The following GCNT2 variants were observed in gnomAD, a reference collection of about 807,000 sequenced individuals.
The protein encoded by GCNT2 is glucosaminyl (N-acetyl) transferase 2 (I blood group).
Under a neutral mutation model 34.2 loss-of-function variants are expected in GCNT2, and 34 were observed. That is an observed-to-expected ratio of 1.00 (90% CI 0.76 to 1.32). The LOEUF is 1.32. Ranked by LOEUF, GCNT2 falls within the 40% of genes most tolerant of loss-of-function variation. The pLI is 0.00. For missense variants in GCNT2, 584 were observed against 489.4 expected (o/e 1.19, Z -1.82); for synonymous variants, 212 against 188.0 (o/e 1.13, Z -1.04).
At chr6:10,607,789 C>T (rs1765388479) in intron 3 of GCNT2, among the ~76,000 whole-genome samples, 1 of 152,114 alleles carries the variant, frequency 6.6e-6, no homozygotes, top group Non-Finnish European at 1.5e-5. Flanking sequence ...TACCGAGCGC[C>T]ATTCAGAGGG....
chr6:10,592,136 G>T (rs1009092563), intron 3 of GCNT2, among the ~76,000 whole-genome samples: 5 of 150,814 alleles, frequency 3.3e-5, no homozygotes, highest in African/African-American at 2.4e-5. Flanking sequence ...ACGCTACTTG[G>T]GGGGGCTGGA....
intron 3 of GCNT2, among the ~76,000 whole-genome samples, chr6:10,564,495 C>G (rs1021206467): frequency 1.3e-5 from 2 of 152,192 alleles, no homozygotes; most frequent in African/African-American, 2.4e-5. Context: ...TCAGAGAGAA[C>G]CAGGTTGGAC....
chr6:10,549,559 CTCTCTTT>C (rs1762399029), intron 3 of GCNT2, among the ~76,000 whole-genome samples: 1 of 110,618 alleles, frequency 9.0e-6, no homozygotes, highest in African/African-American at 4.6e-5. Context: ...CTCAATCTCT[CTCTCTTT>C]TTTTTTTTTT....
chr6:10,577,229 C>T (rs1763860242), intron 3 of GCNT2, among the ~76,000 whole-genome samples: 1 of 152,230 alleles, frequency 6.6e-6, no homozygotes, highest in African/African-American at 2.4e-5. Flanking sequence ...AAGGGGGCTG[C>T]TGTGCAGTGT....
At chr6:10,550,388 G>T (rs903186643) in intron 3 of GCNT2, among the ~76,000 whole-genome samples, 1 of 151,684 alleles carries the variant, frequency 6.6e-6, no homozygotes, top group Non-Finnish European at 1.5e-5. Flanking sequence ...TAGAGATAGG[G>T]TCATTGAGAA....
intron 3 of GCNT2, chr6:10,582,046 A>G (rs1408052514): frequency 5.7e-6 from 1 of 176,702 alleles, no homozygotes; most frequent in Non-Finnish European, 1.0e-5. Flanking sequence ...ATATGTATAT[A>G]TTTAAAAATA....
intron 3 of GCNT2, among the ~76,000 whole-genome samples, chr6:10,569,273 A>ACACACACACACACACACC (rs1561806920): frequency 1.4e-5 from 2 of 139,702 alleles, no homozygotes; most frequent in East Asian, 2.1e-4. Context: ...ACACACACAC[A>ACACACACACACACACACC]CCCCCTAGGT....
intron 3 of GCNT2, chr6:10,556,635 C>A (rs768618071): frequency 2.3e-5 from 37 of 1,613,984 alleles, no homozygotes; most frequent in Middle Eastern, 3.3e-4. Flanking sequence ...GAGAAGTCTT[C>A]TTGCAAGGAA....
rs1288962212 is a variant in GCNT2, at chr6:10,627,806, CATG to C, written c.*1202_*1204del. 6.6e-6 allele frequency: 1 copy of C among 152,142 alleles called. No individual in the cohort carries two copies. The highest frequency in any genetic ancestry group is 1.5e-5 in the Non-Finnish European group (1 of 68,030). The allele number at this position is 152,142 out of a possible 1,614,324, so 9.4% of individuals were successfully genotyped here. On this transcript the variant is annotated 3_prime_UTR_variant, in exon 5 of 5. Coordinates refer to ENST00000495262, the MANE Select transcript of GCNT2 (RefSeq NM_145649.5). ...TACAGGAACACACAGGGCTGTGTAG[CATG>C]ATACCAGGCCCAGGAGATCAGTAAT...
intron 3 of GCNT2, among the ~76,000 whole-genome samples, chr6:10,616,100 T>C (rs1765746873): frequency 6.6e-6 from 1 of 151,248 alleles, no homozygotes. Context: ...CCTCTAATGT[T>C]TGGATGTGTT....
chr6:10,625,533 T>A lies in GCNT2; in HGVS notation c.1019-884T>A, dbSNP rs1013690058. 6.6e-5 allele frequency among the ~76,000 whole-genome samples: 10 copies of A among 151,758 alleles called. No homozygotes were observed. The Middle Eastern group carries it at 0.014, about 206-fold the overall frequency. On this transcript the variant is annotated intron_variant, in intron 4 of 4. Coordinates refer to ENST00000495262, the MANE Select transcript of GCNT2 (RefSeq NM_145649.5). ...CTATTGAGGTTAAAAAAAAAAAAAA[T>A]TTCAATATTGACGTGTTACATCACT...
At chr6:10,609,013 C>G (rs545012910) in intron 3 of GCNT2, among the ~76,000 whole-genome samples, 1 of 152,358 alleles carries the variant, frequency 6.6e-6, no homozygotes, top group South Asian at 2.1e-4. Context: ...AATAGGAATT[C>G]AGACTTCCAT....
At chr6:10,575,084 A>C (rs1418391021) in intron 3 of GCNT2, 3 of 557,258 alleles carry the variant, frequency 5.4e-6, no homozygotes, top group Non-Finnish European at 1.0e-5. Flanking sequence ...TTCCTTTTTG[A>C]ACAGTACCCA....
At chr6:10,569,275 C>CACACACACACACACA (rs1491437125) in intron 3 of GCNT2, among the ~76,000 whole-genome samples, 3,074 of 100,974 alleles carry the variant, frequency 0.03, 298 homozygotes, top group Middle Eastern at 0.042. Flanking sequence ...ACACACACAC[C>CACACACACACACACA]CCCTAGGTAA....
intron 1 of GCNT2, among the ~76,000 whole-genome samples, chr6:10,527,108 G>A (rs1761228180): frequency 6.6e-6 from 1 of 152,198 alleles, no homozygotes; most frequent in Admixed American, 6.5e-5. Context: ...GGGAAGCAGG[G>A]AAATGAAAAC....
chr6:10,594,781 G>A (rs1018443102), intron 3 of GCNT2, among the ~76,000 whole-genome samples: 2 of 152,120 alleles, frequency 1.3e-5, no homozygotes, highest in African/African-American at 4.8e-5. Context: ...AAAACTAGAT[G>A]TAGATGTACC....
At chr6:10,577,930 C>T (rs1763894136) in intron 3 of GCNT2, among the ~76,000 whole-genome samples, 1 of 152,166 alleles carries the variant, frequency 6.6e-6, no homozygotes, top group Non-Finnish European at 1.5e-5. Flanking sequence ...CTTTGCATAA[C>T]ACTTATTCCT....
intron 3 of GCNT2, among the ~76,000 whole-genome samples, chr6:10,546,868 T>G (rs776297349): frequency 3.1e-4 from 47 of 152,270 alleles, no homozygotes; most frequent in African/African-American, 9.6e-4. Flanking sequence ...GTATTACATC[T>G]TTTTCCAGAG....
At chr6:10,585,239 C>G (rs568830454) in intron 3 of GCNT2, among the ~76,000 whole-genome samples, 1 of 152,166 alleles carries the variant, frequency 6.6e-6, no homozygotes, top group East Asian at 1.9e-4. Context: ...GAGTGCAGTG[C>G]TGCCATCATA....
Sources: allele counts gnomAD v4.1 joint callset (sites outside exome capture counted in the v4.1 genomes callset), GRCh38; gene constraint gnomAD v4.1.1; transcripts MANE v1.5; gene names NCBI Gene and HGNC (gene_info 2026-07-23, HGNC 2026-07-21).